Variants in PLA2R1 observed in about 807,000 individuals in gnomAD.
PLA2R1 encodes the protein secretory phospholipase A2 receptor.
Under a neutral mutation model 195.9 loss-of-function variants are expected in PLA2R1, and 158 were observed. The observed-to-expected ratio is 0.81, with a 90% CI of 0.71 to 0.92. The LOEUF (loss-of-function observed/expected upper bound fraction) is 0.92. Ranked by LOEUF, PLA2R1 falls within the 40% of genes least tolerant of loss-of-function variation. The pLI is 0.00. For missense variants in PLA2R1, 1,626 were observed against 1,764.6 expected (o/e 0.92, Z 1.41); for synonymous variants, 586 against 598.2 (o/e 0.98, Z 0.30).
downstream of PLA2R1, among the ~76,000 whole-genome samples, chr2:159,930,876 CCT>C (rs1686571247): frequency 6.6e-6 from 1 of 152,200 alleles, no homozygotes; most frequent in African/African-American, 2.4e-5. Context: ...TTCCTCAGCA[CCT>C]CCGTGATTTC....
chr2:160,024,958 T>C (rs1435199660), intron 6 of PLA2R1, among the ~76,000 whole-genome samples: 1 of 152,158 alleles, frequency 6.6e-6, no homozygotes, highest in African/African-American at 2.4e-5. Flanking sequence ...GATACTGCTG[T>C]GTCCCACCAC....
At chr2:159,955,549 T>C in intron 22 of PLA2R1, 149 bp downstream of exon 22, 1 of 391,128 alleles carries the variant, frequency 2.6e-6, no homozygotes, top group Non-Finnish European at 4.3e-6. Context: ...ATGGAACACA[T>C]AAAATTACAT....
chr2:160,062,317 G>A lies in PLA2R1; in HGVS notation c.87C>T (p.Pro29=). The A allele has an allele frequency of 6.6e-7, 1 of 1,514,382 alleles. No individual in the cohort carries two copies. Among genetic ancestry groups the A allele is most frequent in the South Asian group, 1.2e-5 (1 of 80,972 alleles). The allele number at this position is 1,514,382 out of a possible 1,614,324, so 93.8% of individuals were successfully genotyped here. A position where few individuals can be genotyped will look rare whatever the true frequency, so the allele number is the denominator to read the frequency against. The stretch of plus-strand genomic sequence containing the variant: ...CACCCTGCCACTCCAGGAGCCGCTC[G>A]GGGGTAAGCGCCGCCGCCACACCCT... The part of the protein sequence containing the change: ...CAEGVAAALT[P]ERLLEWQDKG... The change falls in exon 1 of 30, where the codon CCC becomes CCT. Residue 29 remains proline, a synonymous_variant. Coordinates refer to ENST00000283243, the MANE Select transcript of PLA2R1 (RefSeq NM_007366.5).
chr2:159,963,562 T>A (rs1231706453), intron 20 of PLA2R1, among the ~76,000 whole-genome samples: 1 of 152,158 alleles, frequency 6.6e-6, no homozygotes, highest in Non-Finnish European at 1.5e-5. Flanking sequence ...AATGATCCAA[T>A]TTAAAAATGG....
At chr2:160,053,583 C>T (rs1277185571) in intron 1 of PLA2R1, among the ~76,000 whole-genome samples, 2 of 152,154 alleles carry the variant, frequency 1.3e-5, no homozygotes, top group Non-Finnish European at 2.9e-5. Flanking sequence ...ACTCAGCCCT[C>T]GCAGAACCCA....
At chr2:160,051,310 C>T (rs1350926138) in intron 1 of PLA2R1, among the ~76,000 whole-genome samples, 1 of 152,226 alleles carries the variant, frequency 6.6e-6, no homozygotes, top group Non-Finnish European at 1.5e-5. Flanking sequence ...CAGGCTGCAA[C>T]CCAATTTCAA....
chr2:160,019,992 A>C, intron 8 of PLA2R1, 114 bp downstream of exon 8: 1 of 650,360 alleles, frequency 1.5e-6, no homozygotes, highest in Non-Finnish European at 2.7e-6. Flanking sequence ...TGGAAGGCCC[A>C]TGAGGAACAG....
At chr2:159,958,024 A>G (rs1688207229) in intron 20 of PLA2R1, among the ~76,000 whole-genome samples, 1 of 152,222 alleles carries the variant, frequency 6.6e-6, no homozygotes, top group African/African-American at 2.4e-5. Context: ...CACTTGAAAA[A>G]GCATCCTTTC....
chr2:159,994,206 G>T (rs977158850), intron 11 of PLA2R1, among the ~76,000 whole-genome samples: 1 of 151,902 alleles, frequency 6.6e-6, no homozygotes, highest in South Asian at 2.1e-4. Flanking sequence ...ATAAAAATGC[G>T]TATTTTATGA....
intron 11 of PLA2R1, among the ~76,000 whole-genome samples, chr2:160,003,725 T>C (rs753958036): frequency 6.6e-6 from 1 of 152,196 alleles, no homozygotes; most frequent in Non-Finnish European, 1.5e-5. Flanking sequence ...CAGTAAGATG[T>C]ACACTTTTAG....
At chr2:159,948,118 T>C (rs574179691) in intron 25 of PLA2R1, among the ~76,000 whole-genome samples, 9 of 152,352 alleles carry the variant, frequency 5.9e-5, no homozygotes, top group Admixed American at 2.6e-4. Context: ...ACATCCATGC[T>C]GAGATCCCGG....
chr2:159,942,123 G>A lies in PLA2R1; in HGVS notation c.4177+4C>T, dbSNP rs200493157. On this transcript the variant is annotated splice_donor_region_variant and intron_variant, in intron 29 of 29. Transcript: ENST00000283243. ...CAAAATGTTTTGTATGGTTTCAAAC[G>A]TACCTTTTTCTGGCAGCGCCTCTGC... The A allele has an allele frequency of 6.4e-5, 103 of 1,608,798 alleles. No homozygotes were observed. The highest frequency in any genetic ancestry group is 6.0e-4 in the East Asian group (27 of 44,850).
In PLA2R1 at chr2:159,969,332, G is replaced by T; in HGVS notation, c.2688C>A (p.Tyr896Ter). The T allele has an allele frequency of 6.2e-7, 1 of 1,602,578 alleles. No individual in the cohort carries two copies. The highest frequency in any genetic ancestry group is 8.5e-7 in the Non-Finnish European group (1 of 1,169,856). Reference protein sequence around the residue: ...FRWRDGTPVIYQNWDTGRERT... With the variant: ...FRWRDGTPVI ...TTTCTCTTCCTGTGTCCCAGTTCTG[G>T]TATATCACTGGTGTTCCATCTCTCC... The change falls in exon 19 of 30, where the codon TAC becomes TAA. Residue 896 changes from tyrosine (Y) to a stop codon, truncating the protein, a stop_gained. Transcript: ENST00000283243. LOFTEE classifies it high-confidence loss of function.
At chr2:160,037,063 T>C (rs2105554064) in intron 3 of PLA2R1, among the ~76,000 whole-genome samples, 1 of 152,300 alleles carries the variant, frequency 6.6e-6, no homozygotes, top group South Asian at 2.1e-4. Context: ...CAGGTCCTGT[T>C]CAGTTTATCT....
intron 1 of PLA2R1, among the ~76,000 whole-genome samples, chr2:160,055,308 C>T (rs1165941654): frequency 6.6e-6 from 1 of 152,170 alleles, no homozygotes; most frequent in East Asian, 1.9e-4. Flanking sequence ...GTCAAGAAGG[C>T]TGGCATGATT....
At chr2:159,989,000 C>CT (rs1350888885) in intron 11 of PLA2R1, among the ~76,000 whole-genome samples, 2 of 152,230 alleles carry the variant, frequency 1.3e-5, no homozygotes, top group East Asian at 3.8e-4. Context: ...TGGTTCTGAT[C>CT]TGGAAGAACC....
At chr2:159,993,035 G>A (rs1003860878) in intron 11 of PLA2R1, among the ~76,000 whole-genome samples, 2 of 152,078 alleles carry the variant, frequency 1.3e-5, no homozygotes, top group Non-Finnish European at 2.9e-5. Context: ...ACTTGGAAAA[G>A]TGTTTTCGAA....
At chr2:160,055,522 G>A (rs940551189) in intron 1 of PLA2R1, among the ~76,000 whole-genome samples, 32 of 152,212 alleles carry the variant, frequency 2.1e-4, no homozygotes, top group African/African-American at 6.3e-4. Context: ...GAGTTGCAGA[G>A]AACAAGAGGC....
chr2:160,061,108 C>A (rs1221568824), intron 1 of PLA2R1, among the ~76,000 whole-genome samples: 3 of 152,208 alleles, frequency 2.0e-5, no homozygotes, highest in Non-Finnish European at 4.4e-5. Flanking sequence ...AATGTGAACG[C>A]AGATATTGAT....
Sources: allele counts gnomAD v4.1 joint callset (sites outside exome capture counted in the v4.1 genomes callset), GRCh38; gene constraint gnomAD v4.1.1; transcripts MANE v1.5; gene names NCBI Gene and HGNC (gene_info 2026-07-23, HGNC 2026-07-21).